Variants in SYNE1 observed in about 807,000 individuals in gnomAD.
The protein encoded by SYNE1 is nesprin-1.
SYNE1 carries 616 observed loss-of-function variants against 1,111.0 expected under a neutral mutation model. That is an observed-to-expected ratio of 0.55 (90% CI 0.52 to 0.59). The LOEUF is 0.59. Ranked by LOEUF, SYNE1 falls within the 20% of genes least tolerant of loss-of-function variation. SYNE1 has a pLI of 0.00. For missense variants in SYNE1, 10,006 were observed against 10,417.0 expected (o/e 0.96, Z 1.72); for synonymous variants, 3,855 against 3,825.8 (o/e 1.01, Z -0.28).
At position 152,330,435 on chromosome 6, in the gene SYNE1, G is replaced by C. The variant is rs1218569973; in HGVS notation, c.14250C>G (p.Asp4750Glu). ...FRSTGQPWQP[D>E]KMLHLVTLYH... The stretch of plus-strand genomic sequence containing the variant: ...ATAAGGTGACAAGGTGCAGCATCTT[G>C]TCTGGCTGCCAAGGCTGACCTGTGC... The change falls in exon 78 of 146, where the codon GAC (aspartate) becomes GAG (glutamate). Residue 4750 changes from aspartate (D) to glutamate (E), a missense_variant. Transcript: ENST00000367255. 3.7e-6 allele frequency: 6 copies of C among 1,614,132 alleles called. No individual in the cohort carries two copies. Among genetic ancestry groups the C allele is most frequent in the South Asian group, 2.2e-5 (2 of 91,084 alleles).
intron 3 of SYNE1, among the ~76,000 whole-genome samples, chr6:152,603,813 TA>T (rs2099602050): frequency 6.9e-6 from 1 of 145,510 alleles, no homozygotes; most frequent in Non-Finnish European, 1.5e-5. Flanking sequence ...ATATAGAGAG[TA>T]TATATATATA....
At chr6:152,630,124 T>C (rs905448330) in intron 2 of SYNE1, among the ~76,000 whole-genome samples, 2 of 151,600 alleles carry the variant, frequency 1.3e-5, no homozygotes, top group African/African-American at 2.4e-5. Context: ...TTTTAGCCTA[T>C]TATCTAAAAA....
intron 60 of SYNE1, 171 bp from the exon 61 acceptor site, chr6:152,369,298 T>C: frequency 7.4e-7 from 1 of 1,349,278 alleles, no homozygotes; most frequent in Non-Finnish European, 1.0e-6. Flanking sequence ...AGGAAACAAA[T>C]CATACTTCCA....
At chr6:152,582,623 A>G (rs73633293) in intron 3 of SYNE1, among the ~76,000 whole-genome samples, 6,386 of 151,918 alleles carry the variant, frequency 0.042, 455 homozygotes, top group African/African-American at 0.15. Context: ...GTACATGTGC[A>G]TGTTTGTCAC....
chr6:152,391,335 C>G lies in SYNE1; in HGVS notation c.7946G>C (p.Cys2649Ser). The part of the protein sequence containing the change: ...WVKAIQDRLA[C>S]AESTLGSKDT... Reference sequence around the variant, plus strand: ...TTTGCTCCCAAGAGTGCTCTCTGCACAGGCCAGTCTGTCCTGAATGGCCTT... The same window carrying G: ...TTTGCTCCCAAGAGTGCTCTCTGCAGAGGCCAGTCTGTCCTGAATGGCCTT... The change falls in exon 52 of 146, where the codon TGT becomes TCT. Residue 2649 changes from cysteine (C) to serine (S), a missense_variant. Cys to Ser is a moderately radical substitution (Grantham distance 112, BLOSUM62 -1). Transcript: ENST00000367255. 1 of 1,614,124 alleles carries G rather than the reference C, an allele frequency of 6.2e-7. No individual in the cohort carries two copies. Among genetic ancestry groups the G allele is most frequent in the Non-Finnish European group, 8.5e-7 (1 of 1,180,018 alleles).
chr6:152,625,267 T>C (rs139143049), intron 3 of SYNE1, among the ~76,000 whole-genome samples: 7 of 152,312 alleles, frequency 4.6e-5, no homozygotes, highest in African/African-American at 1.7e-4. Context: ...AGATCTCCTC[T>C]TTCTGTGGAG....
intron 10 of SYNE1, 136 bp downstream of exon 10, chr6:152,502,497 T>G: frequency 2.7e-6 from 2 of 732,604 alleles, no homozygotes; most frequent in Non-Finnish European, 4.9e-6. Flanking sequence ...TCACCCCATT[T>G]GGTGATAGCT....
chr6:152,624,183 C>T (rs2099681501), intron 3 of SYNE1, among the ~76,000 whole-genome samples: 2 of 152,022 alleles, frequency 1.3e-5, no homozygotes, highest in African/African-American at 4.8e-5. Flanking sequence ...TCCTACTCTC[C>T]TATTAATTTT....
chr6:152,462,505 G>GAA, intron 20 of SYNE1: 2 of 556,754 alleles, frequency 3.6e-6, no homozygotes, highest in Non-Finnish European at 6.3e-6. Context: ...CTTGGTTGTA[G>GAA]AAAAAAAAAA....
chr6:152,575,054 G>A (rs1440805549), intron 3 of SYNE1, among the ~76,000 whole-genome samples: 2 of 152,158 alleles, frequency 1.3e-5, no homozygotes, highest in Non-Finnish European at 2.9e-5. Context: ...TGAAATGTAA[G>A]AACTCTTCCA....
chr6:152,384,911 G>A (rs2097500699), intron 55 of SYNE1, among the ~76,000 whole-genome samples: 1 of 151,620 alleles, frequency 6.6e-6, no homozygotes, highest in Non-Finnish European at 1.5e-5. Context: ...TGCAAAATGT[G>A]GTTACAATTG....
intron 3 of SYNE1, among the ~76,000 whole-genome samples, chr6:152,614,313 G>T (rs1350019332): frequency 6.6e-6 from 1 of 152,178 alleles, no homozygotes; most frequent in Non-Finnish European, 1.5e-5. Context: ...CCATCAAAAA[G>T]TGGGCAAAGG....
At chr6:152,582,409 A>T (rs1210871031) in intron 3 of SYNE1, among the ~76,000 whole-genome samples, 1 of 152,102 alleles carries the variant, frequency 6.6e-6, no homozygotes, top group Non-Finnish European at 1.5e-5. Context: ...AAGTATTCAA[A>T]TATGTGTATA....
intron 2 of SYNE1, among the ~76,000 whole-genome samples, chr6:152,628,868 C>A (rs1257194650): frequency 1.3e-5 from 2 of 152,040 alleles, no homozygotes; most frequent in Non-Finnish European, 2.9e-5. Context: ...AGTGGTTTCC[C>A]TTATACTAAA....
In SYNE1 at chr6:152,417,516, A is replaced by ACAAG. The variant is rs2098179742; in HGVS notation, c.5422-502_5422-501insCTTG. ...CCGTCTCAAACAAACAAACAAACAA[A>ACAAG]CAAACAAACACAACTCTGTTTTGGA... On this transcript the variant is annotated intron_variant, in intron 40 of 145. Transcript: ENST00000367255. Among the ~76,000 whole-genome samples, 3 of 150,478 alleles carry ACAAG rather than the reference A, an allele frequency of 2.0e-5. No homozygotes were observed. In the South Asian group the frequency reaches 6.3e-4, roughly 32 times the overall value.
chr6:152,148,219 C>T lies in SYNE1; in HGVS notation c.24802G>A (p.Glu8268Lys), dbSNP rs527527845. ...GCCGGGGTGTCTCGTCCTGACCGCT[C>T]GCTCCGGAGGGGCTGAGCGAGCGAG... The part of the protein sequence containing the change: ...SLSLAQPLRS[E>K]RSGRDTPASV... The change falls in exon 137 of 146, where the codon GAG becomes AAG. Residue 8268 changes from glutamate (E) to lysine (K), a missense_variant. Coordinates refer to ENST00000367255, the MANE Select transcript of SYNE1 (RefSeq NM_182961.4). This position sits in a 1 kb window ranked among gnomAD's most constrained non-coding sequence, Gnocchi z 4.1. 1.8e-5 allele frequency: 29 copies of T among 1,614,110 alleles called. No individual in the cohort carries two copies. Among genetic ancestry groups the T allele is most frequent in the East Asian group, 4.5e-5 (2 of 44,864 alleles).
intron 129 of SYNE1, among the ~76,000 whole-genome samples, chr6:152,177,214 C>T (rs866511395): frequency 7.9e-5 from 12 of 152,232 alleles, no homozygotes; most frequent in Middle Eastern, 6.8e-3. Flanking sequence ...ACTTTCTGTG[C>T]TAGCTTCTCT....
At chr6:152,595,423 C>G (rs2099578185) in intron 3 of SYNE1, among the ~76,000 whole-genome samples, 1 of 152,158 alleles carries the variant, frequency 6.6e-6, no homozygotes, top group Non-Finnish European at 1.5e-5. Context: ...GCCTGGAATG[C>G]CTTCCCCGCT....
At chr6:152,367,164 T>G (rs751755051) in intron 62 of SYNE1, 54 bp downstream of exon 62, 1 of 1,612,428 alleles carries the variant, frequency 6.2e-7, no homozygotes, top group Admixed American at 1.7e-5. Context: ...GACGGGAAAT[T>G]TTGAGAAAAA....
Sources: gnomAD v4.1 joint callset for allele counts (sites outside exome capture counted in the v4.1 genomes callset) on GRCh38, gnomAD v4.1.1 for gene constraint, Gnocchi (gnomAD v3.1) non-coding constraint, MANE v1.5 for transcripts, NCBI Gene and HGNC (gene_info 2026-07-23, HGNC 2026-07-21) for gene names.